Variants in PGCKA1 observed in about 807,000 individuals in gnomAD.
PGCKA1 encodes PDCD10 and GCKIII kinases associated 1.
chr4:37,535,082 G>A, the PGCKA1 span, among the ~76,000 whole-genome samples: 1 of 152,200 alleles, frequency 6.6e-6, no homozygotes, highest in Admixed American at 6.5e-5. Context: ...TCCAGCTAGA[G>A]GCATCCAGGG....
At chr4:37,537,443 T>C in the PGCKA1 span, among the ~76,000 whole-genome samples, 1 of 152,220 alleles carries the variant, frequency 6.6e-6, no homozygotes, top group African/African-American at 2.4e-5. Context: ...AATGCTTACA[T>C]GTACAAATTT....
chr4:37,501,421 G>T, the PGCKA1 span, among the ~76,000 whole-genome samples: 1 of 152,022 alleles, frequency 6.6e-6, no homozygotes, highest in Admixed American at 6.5e-5. Context: ...CTCCTTTTGA[G>T]AATCTAACTA....
chr4:37,462,279 G>A, the PGCKA1 span, among the ~76,000 whole-genome samples: 58 of 152,274 alleles, frequency 3.8e-4, no homozygotes, highest in African/African-American at 1.3e-3. Flanking sequence ...GGATTATGAT[G>A]ATCATTTCAT....
the PGCKA1 span, among the ~76,000 whole-genome samples, chr4:37,486,457 C>T: frequency 6.6e-6 from 1 of 152,168 alleles, no homozygotes; most frequent in Non-Finnish European, 1.5e-5. Context: ...GTTAATCATT[C>T]TGCCGAGCAA....
At chr4:37,558,422 C>T in the PGCKA1 span, among the ~76,000 whole-genome samples, 1 of 152,128 alleles carries the variant, frequency 6.6e-6, no homozygotes, top group Non-Finnish European at 1.5e-5. Flanking sequence ...AACAGTGGCT[C>T]TCAGCGTGTG....
At chr4:37,487,464 GT>G in the PGCKA1 span, among the ~76,000 whole-genome samples, 1 of 151,842 alleles carries the variant, frequency 6.6e-6, no homozygotes, top group South Asian at 2.1e-4. Flanking sequence ...TTAACTGTAA[GT>G]TTTTTTTATG....
the PGCKA1 span, among the ~76,000 whole-genome samples, chr4:37,589,836 C>T: frequency 3.9e-5 from 6 of 152,108 alleles, no homozygotes; most frequent in African/African-American, 1.2e-4. Flanking sequence ...TTCACCATGT[C>T]GGTCAGGCTG....
the PGCKA1 span, among the ~76,000 whole-genome samples, chr4:37,498,217 A>C: frequency 1.3e-5 from 2 of 151,858 alleles, no homozygotes; most frequent in Admixed American, 6.6e-5. Flanking sequence ...TCAGTTGGCT[A>C]TAAGTATTTG....
chr4:37,484,620 G>C, the PGCKA1 span, among the ~76,000 whole-genome samples: 1 of 152,178 alleles, frequency 6.6e-6, no homozygotes, highest in Non-Finnish European at 1.5e-5. Flanking sequence ...CTGGAACCAT[G>C]CTTCTAACAG....
the PGCKA1 span, among the ~76,000 whole-genome samples, chr4:37,494,420 G>A: frequency 6.6e-6 from 1 of 152,148 alleles, no homozygotes; most frequent in Non-Finnish European, 1.5e-5. Context: ...TAAGGGTGAT[G>A]CCCTCCAGCT....
chr4:37,561,660 C>T, the PGCKA1 span, among the ~76,000 whole-genome samples: 4 of 152,110 alleles, frequency 2.6e-5, no homozygotes, highest in East Asian at 3.9e-4. Context: ...TTACTGCAGT[C>T]GACAATCATA....
the PGCKA1 span, among the ~76,000 whole-genome samples, chr4:37,456,778 A>G: frequency 1.3e-5 from 2 of 152,236 alleles, no homozygotes; most frequent in African/African-American, 4.8e-5. Flanking sequence ...TCTCTATTTT[A>G]GAGAGTTCAT....
At chr4:37,548,284 AT>A in the PGCKA1 span, among the ~76,000 whole-genome samples, 1 of 152,204 alleles carries the variant, frequency 6.6e-6, no homozygotes, top group African/African-American at 2.4e-5. Context: ...AAAGTAAAAT[AT>A]ATCTTTGGTA....
At chr4:37,509,713 C>T in the PGCKA1 span, among the ~76,000 whole-genome samples, 1 of 151,514 alleles carries the variant, frequency 6.6e-6, no homozygotes, top group East Asian at 1.9e-4. Flanking sequence ...GCAATCCCAG[C>T]ACTTCGCGAG....
chr4:37,504,702 T>C, the PGCKA1 span, among the ~76,000 whole-genome samples: 1 of 152,198 alleles, frequency 6.6e-6, no homozygotes, highest in African/African-American at 2.4e-5. Context: ...TAGGATTACT[T>C]TCTTAATTTC....
the PGCKA1 span, among the ~76,000 whole-genome samples, chr4:37,577,895 T>C: frequency 1.2e-4 from 19 of 152,352 alleles, no homozygotes; most frequent in South Asian, 6.2e-4. Context: ...TTTTACTCCA[T>C]TGTGGTCAGA....
At chr4:37,523,663 A>T in the PGCKA1 span, among the ~76,000 whole-genome samples, 2 of 152,096 alleles carry the variant, frequency 1.3e-5, no homozygotes, top group Non-Finnish European at 2.9e-5. Context: ...CACCATCTGT[A>T]TGTTATATAC....
chr4:37,473,430 A>G, the PGCKA1 span, among the ~76,000 whole-genome samples: 1 of 152,214 alleles, frequency 6.6e-6, no homozygotes, highest in Admixed American at 6.5e-5. Flanking sequence ...TGTTAAGATA[A>G]TTTTGCTGTA....
chr4:37,563,583 G>T, the PGCKA1 span, among the ~76,000 whole-genome samples: 1 of 152,092 alleles, frequency 6.6e-6, no homozygotes, highest in African/African-American at 2.4e-5. Context: ...ATGAGTTAGG[G>T]TTTCAACATG....
Sources: gnomAD v4.1 joint callset for allele counts (sites outside exome capture counted in the v4.1 genomes callset) on GRCh38, gnomAD v4.1.1 for gene constraint, MANE v1.5 for transcripts, NCBI Gene and HGNC (gene_info 2026-07-23, HGNC 2026-07-21) for gene names.